The following DLGAP1 variants were observed in gnomAD, a reference collection of about 807,000 sequenced individuals.
DLGAP1 encodes DLG associated protein 1.
A neutral mutation model predicts 90.8 loss-of-function variants in DLGAP1; 11 were observed. The ratio of observed to expected loss-of-function variants is 0.12; its 90% CI spans 0.08 to 0.20. The LOEUF is 0.20. Among genes scored for constraint, DLGAP1 ranks in the 10% least tolerant of loss-of-function variants. DLGAP1 has a pLI of 1.00. For missense variants in DLGAP1, 1,050 were observed against 1,333.8 expected, an observed-to-expected ratio of 0.79 and a Z score of 3.31; for synonymous variants, 558 against 540.7, an observed-to-expected ratio of 1.03 and a Z score of -0.44.
At chr18:3,824,814 C>T (rs889699780) in intron 4 of DLGAP1, among the ~76,000 whole-genome samples, 11 of 152,176 alleles carry the variant, frequency 7.2e-5, no homozygotes, top group Admixed American at 3.9e-4. Context: ...TGAAAGCATA[C>T]GGCATTCAAA....
intron 7 of DLGAP1, among the ~76,000 whole-genome samples, chr18:3,674,820 C>T (rs1454762224): frequency 8.1e-6 from 1 of 123,314 alleles, no homozygotes; most frequent in African/African-American, 3.2e-5. Context: ...CTATCAGTAC[C>T]GAGTCCACCA....
At chr18:3,599,334 G>T (rs2056769292) in intron 7 of DLGAP1, among the ~76,000 whole-genome samples, 4 of 152,226 alleles carry the variant, frequency 2.6e-5, no homozygotes, top group Admixed American at 2.6e-4. Flanking sequence ...GCTTATCTGG[G>T]CATGCCCAGC....
At chr18:4,283,356 G>T (rs1388239975) in intron 1 of DLGAP1, among the ~76,000 whole-genome samples, 18 of 152,116 alleles carry the variant, frequency 1.2e-4, no homozygotes, top group Non-Finnish European at 2.4e-4. Flanking sequence ...AGAAATATTT[G>T]TCTTTGAATA....
intron 10 of DLGAP1, among the ~76,000 whole-genome samples, chr18:3,524,249 T>C (rs1204050467): frequency 6.6e-6 from 1 of 151,916 alleles, no homozygotes; most frequent in African/African-American, 2.4e-5. Context: ...CACTCCAGCC[T>C]TGGTGACAAA....
At chr18:3,714,652 T>C (rs1323666404) in intron 7 of DLGAP1, among the ~76,000 whole-genome samples, 1 of 149,838 alleles carries the variant, frequency 6.7e-6, no homozygotes, top group African/African-American at 2.5e-5. Flanking sequence ...TTTTTTTTTT[T>C]TTTTTTTTTT....
intron 7 of DLGAP1, among the ~76,000 whole-genome samples, chr18:3,649,812 A>C (rs1253266449): frequency 1.3e-5 from 2 of 152,134 alleles, no homozygotes; most frequent in Non-Finnish European, 2.9e-5. Context: ...AAAAGTAAAA[A>C]GATAAATGTG....
chr18:3,669,611 T>C (rs1268142243), intron 7 of DLGAP1, among the ~76,000 whole-genome samples: 1 of 152,172 alleles, frequency 6.6e-6, no homozygotes, highest in Non-Finnish European at 1.5e-5. Flanking sequence ...ACCTGCGGAA[T>C]GAGGGAGAGT....
intron 1 of DLGAP1, among the ~76,000 whole-genome samples, chr18:4,218,624 T>C (rs890370846): frequency 1.1e-4 from 17 of 152,086 alleles, no homozygotes; most frequent in South Asian, 2.1e-4. Context: ...TCCTCATTCA[T>C]GTCCCACCCC....
chr18:4,178,913 C>T (rs1287549529), intron 1 of DLGAP1, among the ~76,000 whole-genome samples: 4 of 152,024 alleles, frequency 2.6e-5, no homozygotes, highest in Non-Finnish European at 4.4e-5. Flanking sequence ...ATATATGATG[C>T]TAGATTATCT....
At chr18:4,035,038 T>C (rs1207341656) in intron 2 of DLGAP1, among the ~76,000 whole-genome samples, 3 of 152,212 alleles carry the variant, frequency 2.0e-5, no homozygotes, top group African/African-American at 7.2e-5. Flanking sequence ...TAGTATTCCA[T>C]GGTGTATATG....
rs2075003365 is a variant in DLGAP1 at position 4,043,337 on chromosome 18, C to T, written c.-158-38136G>A. 2.0e-5 allele frequency among the ~76,000 whole-genome samples: 3 copies of T among 152,146 alleles called. No individual in the cohort carries two copies. In the South Asian group the frequency reaches 6.2e-4, roughly 32 times the overall value. ...ATGTCTGAAATTAAAACAGAATTGT[C>T]AAGGCAGAAATGTATGAATCATAAT... On this transcript the variant is annotated intron_variant, in intron 2 of 12. Coordinates refer to ENST00000315677, the MANE Select transcript of DLGAP1 (RefSeq NM_004746.4).
rs749740089 is a variant in DLGAP1, at chr18:3,880,015, C to T, written c.54G>A (p.Ser18=). 1.2e-6 allele frequency: 2 copies of T among 1,608,720 alleles called. No homozygotes were observed. Among genetic ancestry groups the T allele is most frequent in the African/African-American group, 1.3e-5 (1 of 74,902 alleles). The change falls in exon 4 of 13, where the codon TCG becomes TCA. Residue 18 remains serine, a synonymous_variant. Coordinates refer to ENST00000315677, the MANE Select transcript of DLGAP1 (RefSeq NM_004746.4). ...AGTGGTGCGACAGCGAGTCACAGGC[C>T]GAGTCGCAGGTGACCCCGTGGTGAT... ...RSHHHGVTCD[S]ACDSLSHHSD...
intron 7 of DLGAP1, among the ~76,000 whole-genome samples, chr18:3,614,188 A>AG (rs1448239696): frequency 2.3e-5 from 2 of 88,474 alleles, no homozygotes; most frequent in African/African-American, 6.7e-5. Context: ...CCAAAGTGCT[A>AG]GGATTACAGG....
chr18:3,626,275 A>C (rs1030588741), intron 7 of DLGAP1, among the ~76,000 whole-genome samples: 6 of 147,692 alleles, frequency 4.1e-5, no homozygotes, highest in African/African-American at 1.5e-4. Flanking sequence ...TGGGCTACAG[A>C]GTGAGACCCA....
At chr18:4,327,360 T>C (rs1301015621) in intron 1 of DLGAP1, among the ~76,000 whole-genome samples, 1 of 151,988 alleles carries the variant, frequency 6.6e-6, no homozygotes, top group Non-Finnish European at 1.5e-5. Context: ...CCAATTAAAA[T>C]AAAAATTTAA....
At chr18:4,225,393 A>G (rs149171524) in intron 1 of DLGAP1, among the ~76,000 whole-genome samples, 9 of 152,184 alleles carry the variant, frequency 5.9e-5, no homozygotes, top group Admixed American at 1.3e-4. Flanking sequence ...ATGCCCAGAC[A>G]CTGATGAACA....
intron 3 of DLGAP1, among the ~76,000 whole-genome samples, chr18:3,921,509 T>C (rs2072268926): frequency 2.0e-5 from 3 of 152,334 alleles, no homozygotes; most frequent in Admixed American, 2.0e-4. Flanking sequence ...AACTAGAGAA[T>C]GTATTAACTG....
At chr18:3,672,992 A>G (rs1623309) in intron 7 of DLGAP1, among the ~76,000 whole-genome samples, 81,389 of 151,546 alleles carry the variant, frequency 0.54, 22,185 homozygotes, top group East Asian at 0.83. Flanking sequence ...TCTTTAATTT[A>G]TTCTACATTA....
intron 7 of DLGAP1, among the ~76,000 whole-genome samples, chr18:3,652,798 CA>C (rs2146473725): frequency 6.6e-6 from 1 of 152,288 alleles, no homozygotes; most frequent in East Asian, 1.9e-4. Flanking sequence ...GAGGTATAAA[CA>C]AATCGCCTTG....
Sources: gnomAD v4.1 joint callset for allele counts (sites outside exome capture counted in the v4.1 genomes callset) on GRCh38, gnomAD v4.1.1 for gene constraint, MANE v1.5 for transcripts, NCBI Gene and HGNC (gene_info 2026-07-23, HGNC 2026-07-21) for gene names.